The following TASP1 variants were observed in gnomAD, a reference collection of about 807,000 sequenced individuals.
TASP1 encodes the protein taspase 1, also known as threonine aspartase 1.
A neutral mutation model predicts 56.6 loss-of-function variants in TASP1; 16 were observed. That is an observed-to-expected ratio of 0.28 (90% CI 0.19 to 0.43). The LOEUF (loss-of-function observed/expected upper bound fraction) is 0.43. Ranked by LOEUF, TASP1 falls within the 20% of genes least tolerant of loss-of-function variation. The pLI is 1.00. For synonymous variants in TASP1, 179 were observed against 184.2 expected (o/e 0.97, Z 0.23); for missense variants, 393 against 511.6 (o/e 0.77, Z 2.24).
At chr20:13,330,358 A>G in the TASP1 span, among the ~76,000 whole-genome samples, 3 of 152,206 alleles carry the variant, frequency 2.0e-5, no homozygotes, top group African/African-American at 7.2e-5. Context: ...TGAATACTGA[A>G]TTAGTCTTAC....
At chr20:13,297,641 G>A in the TASP1 span, among the ~76,000 whole-genome samples, 8 of 152,204 alleles carry the variant, frequency 5.3e-5, no homozygotes, top group Non-Finnish European at 1.2e-4. Flanking sequence ...CCCTGTCCAT[G>A]GAGGGGTCAC....
chr20:13,507,711 CAGAAAT>C (rs2044182557), intron 10 of TASP1, among the ~76,000 whole-genome samples: 2 of 152,082 alleles, frequency 1.3e-5, no homozygotes, highest in Non-Finnish European at 2.9e-5. Flanking sequence ...ATGTTTTTCA[CAGAAAT>C]AGAAAGAACA....
chr20:13,204,603 G>A, the TASP1 span, among the ~76,000 whole-genome samples: 8 of 151,650 alleles, frequency 5.3e-5, no homozygotes, highest in African/African-American at 7.3e-5. Context: ...GCAGTGGCGC[G>A]ATCTGGGCTC....
the TASP1 span, among the ~76,000 whole-genome samples, chr20:13,336,748 A>AT: frequency 0.11 from 16,294 of 150,462 alleles, 1,504 homozygotes; most frequent in African/African-American, 0.23. Context: ...AAAAAGTGAG[A>AT]TTTTTTTTTT....
intron 4 of TASP1, among the ~76,000 whole-genome samples, chr20:13,597,474 A>C (rs976183293): frequency 1.3e-5 from 2 of 152,224 alleles, no homozygotes; most frequent in Non-Finnish European, 2.9e-5. Flanking sequence ...CTTCGACAAA[A>C]TTCAACAGCC....
the TASP1 span, among the ~76,000 whole-genome samples, chr20:13,336,896 A>G: frequency 5.3e-5 from 8 of 152,320 alleles, no homozygotes; most frequent in Admixed American, 5.2e-4. Flanking sequence ...CCCAGTTTCA[A>G]TGAGTCTCTT....
chr20:13,263,555 T>C, the TASP1 span, among the ~76,000 whole-genome samples: 1 of 152,248 alleles, frequency 6.6e-6, no homozygotes, highest in African/African-American at 2.4e-5. Flanking sequence ...GCAAAACTTT[T>C]GCTCTTCCCT....
chr20:13,309,284 T>C, the TASP1 span, among the ~76,000 whole-genome samples: 81 of 151,636 alleles, frequency 5.3e-4, no homozygotes, highest in Non-Finnish European at 1.0e-3. Flanking sequence ...ATTTTATTTC[T>C]TTAAAAAAAA....
intron 6 of TASP1, among the ~76,000 whole-genome samples, chr20:13,577,040 T>C (rs2046950411): frequency 6.6e-6 from 1 of 152,168 alleles, no homozygotes; most frequent in African/African-American, 2.4e-5. Context: ...TAGAGTATTG[T>C]ATATGCTGTA....
chr20:13,198,844 TTCTTTCTTTC>T, the TASP1 span, among the ~76,000 whole-genome samples: 4 of 140,956 alleles, frequency 2.8e-5, no homozygotes, highest in African/African-American at 1.0e-4. Context: ...CTTTCTTTCT[TTCTTTCTTTC>T]TTTCCTTCCT....
the TASP1 span, among the ~76,000 whole-genome samples, chr20:13,297,003 G>A: frequency 1.3e-5 from 2 of 151,966 alleles, no homozygotes; most frequent in African/African-American, 4.8e-5. Flanking sequence ...GGGTGACATA[G>A]TGAGACTCCA....
At chr20:13,501,213 T>C (rs2043933154) in intron 10 of TASP1, among the ~76,000 whole-genome samples, 1 of 151,876 alleles carries the variant, frequency 6.6e-6, no homozygotes, top group Admixed American at 6.6e-5. Flanking sequence ...AATATAAAAA[T>C]ACTAAAGGGC....
chr20:13,254,835 G>A, the TASP1 span, among the ~76,000 whole-genome samples: 9 of 152,228 alleles, frequency 5.9e-5, no homozygotes, highest in African/African-American at 1.7e-4. Context: ...AGAGATGTAG[G>A]AGGAGTCAAC....
the TASP1 span, among the ~76,000 whole-genome samples, chr20:13,183,491 A>C: frequency 6.6e-6 from 1 of 152,236 alleles, no homozygotes; most frequent in African/African-American, 2.4e-5. Context: ...GCAACATAAA[A>C]AGTAAATTTC....
chr20:13,395,540 AC>A (rs1429151895), intron 13 of TASP1, among the ~76,000 whole-genome samples: 3 of 152,190 alleles, frequency 2.0e-5, no homozygotes, highest in African/African-American at 7.2e-5. Context: ...AATCCATTTA[AC>A]AACAAGTTAA....
the TASP1 span, among the ~76,000 whole-genome samples, chr20:13,366,606 C>T: frequency 6.6e-6 from 1 of 152,136 alleles, no homozygotes; most frequent in South Asian, 2.1e-4. Context: ...TCCTAGCCGC[C>T]TATGTGGTTG....
At chr20:13,447,126 A>T (rs543547701) in intron 11 of TASP1, among the ~76,000 whole-genome samples, 53 of 152,258 alleles carry the variant, frequency 3.5e-4, no homozygotes, top group African/African-American at 1.3e-3. Context: ...CTCTAAAAAC[A>T]TTTATACCCA....
chr20:13,214,733 GC>G, the TASP1 span, among the ~76,000 whole-genome samples: 1 of 152,162 alleles, frequency 6.6e-6, no homozygotes, highest in Non-Finnish European at 1.5e-5. Flanking sequence ...CGGGTACAAA[GC>G]CAGCTTGTAA....
chr20:13,465,148 G>A (rs2044203313), intron 11 of TASP1, among the ~76,000 whole-genome samples: 1 of 141,436 alleles, frequency 7.1e-6, no homozygotes, highest in Non-Finnish European at 1.5e-5. Flanking sequence ...TCCAGCCTAG[G>A]TGACAGAGCA....
Sources: gnomAD v4.1 joint callset for allele counts (sites outside exome capture counted in the v4.1 genomes callset) on GRCh38, gnomAD v4.1.1 for gene constraint, MANE v1.5 for transcripts, NCBI Gene and HGNC (gene_info 2026-07-23, HGNC 2026-07-21) for gene names.